The following ZNF654 variants were observed in gnomAD, a reference collection of about 807,000 sequenced individuals.
The protein encoded by ZNF654 is melanoma-associated antigen.
Under a neutral mutation model 95.3 loss-of-function variants are expected in ZNF654, and 19 were observed. The observed-to-expected ratio is 0.20, with a 90% CI of 0.14 to 0.29. The LOEUF (loss-of-function observed/expected upper bound fraction) is 0.29, where lower values mean the gene tolerates loss of function less well. ZNF654 is among the 10% of genes least tolerant of loss of function. The probability of loss-of-function intolerance (pLI) is 1.00; values close to 1 mark genes in which losing one functional copy is unlikely to be tolerated. For missense variants in ZNF654, 1,046 were observed against 1,341.0 expected, an observed-to-expected ratio of 0.78 and a Z score of 3.44; for synonymous variants, 413 against 457.9, an observed-to-expected ratio of 0.90 and a Z score of 1.25.
At chr3:88,076,393 T>C (rs1707802727) in intron 1 of ZNF654, among the ~76,000 whole-genome samples, 1 of 152,224 alleles carries the variant, frequency 6.6e-6, no homozygotes, top group African/African-American at 2.4e-5. Flanking sequence ...TTTTCATCTT[T>C]AAGTACAGTT....
At chr3:88,116,282 A>T (rs1206004203) in intron 3 of ZNF654, among the ~76,000 whole-genome samples, 2 of 152,122 alleles carry the variant, frequency 1.3e-5, no homozygotes, top group African/African-American at 2.4e-5. Flanking sequence ...GCACTTTGGG[A>T]GGCCGAGGCG....
intron 2 of ZNF654, among the ~76,000 whole-genome samples, chr3:88,089,853 G>GAATAAGTC (rs1204309586): frequency 6.6e-6 from 1 of 152,308 alleles, no homozygotes; most frequent in East Asian, 1.9e-4. Flanking sequence ...GGGAAAAGGA[G>GAATAAGTC]AATAAGTCAT....
chr3:88,144,452 AGTT>A lies in ZNF654; in HGVS notation c.*2804_*2806del, dbSNP rs1707261813. 1 of 152,380 alleles carries A rather than the reference AGTT, an allele frequency of 6.6e-6. No individual in the cohort carries two copies. Among genetic ancestry groups the A allele is most frequent in the African/African-American group, 2.4e-5 (1 of 41,424 alleles). 9.4% of individuals were successfully genotyped at this position (152,380 alleles called of 1,614,324 possible). A position where few individuals can be genotyped will look rare whatever the true frequency, so the allele number is the denominator to read the frequency against. ...AGTAAATGCTGCATATGCATTTTGGAGTTGTTAATATGTGAAAGATATTACAGA... is the reference window on the plus strand; with the variant it reads ...AGTAAATGCTGCATATGCATTTTGGAGTTAATATGTGAAAGATATTACAGA... On this transcript the variant is annotated 3_prime_UTR_variant, in exon 9 of 9. Transcript: ENST00000636215.
intron 2 of ZNF654, among the ~76,000 whole-genome samples, chr3:88,102,042 G>A (rs1438948482): frequency 6.6e-6 from 1 of 151,504 alleles, no homozygotes; most frequent in African/African-American, 2.4e-5. Context: ...ATGTATTCTG[G>A]ATATACACTC....
intron 1 of ZNF654, among the ~76,000 whole-genome samples, chr3:88,073,560 C>G (rs950947152): frequency 6.6e-6 from 1 of 152,112 alleles, no homozygotes; most frequent in African/African-American, 2.4e-5. Flanking sequence ...ATTATGTATA[C>G]TAAAGTACTT....
chr3:88,115,011 A>C (rs1189822401), intron 3 of ZNF654, among the ~76,000 whole-genome samples: 1 of 152,210 alleles, frequency 6.6e-6, no homozygotes, highest in African/African-American at 2.4e-5. Context: ...GTTCTTCTCC[A>C]TACATCTTTC....
At chr3:88,132,410 A>G (rs1241609463) in intron 6 of ZNF654, among the ~76,000 whole-genome samples, 2 of 152,158 alleles carry the variant, frequency 1.3e-5, no homozygotes, top group East Asian at 3.9e-4. Context: ...CACACATTGA[A>G]TAAAGGAAAA....
chr3:88,061,750 T>C (rs1297666873), intron 1 of ZNF654, among the ~76,000 whole-genome samples: 6 of 152,220 alleles, frequency 3.9e-5, no homozygotes, highest in Non-Finnish European at 7.4e-5. Flanking sequence ...CGAAGATTTC[T>C]TTTTAAAAAT....
chr3:88,132,700 A>G (rs1172494167), intron 6 of ZNF654, among the ~76,000 whole-genome samples: 1 of 152,198 alleles, frequency 6.6e-6, no homozygotes, highest in Non-Finnish European at 1.5e-5. Flanking sequence ...TTCAACATTT[A>G]GGGGAAGTAT....
At position 88,140,930 on chromosome 3, in the gene ZNF654, A is replaced by G. The variant is rs1707089839; in HGVS notation, c.3261A>G (p.Ser1087=). The G allele has an allele frequency of 6.2e-7, 1 of 1,613,616 alleles. No homozygotes were observed. The highest frequency in any genetic ancestry group is 2.2e-5 in the East Asian group (1 of 44,870). ...ATCAAGATAACGTGTATAAAAAATCAGTGAAAAGATTAAGATGTGGCAAAT... is the reference window on the plus strand; with the variant it reads ...ATCAAGATAACGTGTATAAAAAATCGGTGAAAAGATTAAGATGTGGCAAAT... The part of the protein sequence containing the change: ...CSDQDNVYKK[S]VKRLRCGKCL... Residue 1087 remains serine (S), a synonymous_variant, in exon 8 of 9, where the codon TCA becomes TCG. Transcript: ENST00000636215.
intron 1 of ZNF654, among the ~76,000 whole-genome samples, chr3:88,064,663 G>T (rs1252525298): frequency 5.9e-5 from 9 of 152,154 alleles, no homozygotes; most frequent in African/African-American, 2.2e-4. Flanking sequence ...TGTTAAGCCA[G>T]TTACCACCCA....
At chr3:88,098,303 C>A (rs1272389096) in intron 2 of ZNF654, among the ~76,000 whole-genome samples, 1 of 152,060 alleles carries the variant, frequency 6.6e-6, no homozygotes, top group Non-Finnish European at 1.5e-5. Context: ...TCTCTGAATA[C>A]ACCAATAACA....
chr3:88,064,075 A>G (rs1158895919), intron 1 of ZNF654, among the ~76,000 whole-genome samples: 2 of 150,982 alleles, frequency 1.3e-5, no homozygotes, highest in Non-Finnish European at 2.9e-5. Context: ...ATGGAAGAAA[A>G]CAAGAATGGA....
At chr3:88,066,794 A>C (rs1158452412) in intron 1 of ZNF654, among the ~76,000 whole-genome samples, 1 of 152,202 alleles carries the variant, frequency 6.6e-6, no homozygotes, top group African/African-American at 2.4e-5. Flanking sequence ...AAAATTACAA[A>C]CAAAAACAAA....
chr3:88,127,186 A>G lies in ZNF654; in HGVS notation c.550+917A>G, dbSNP rs137875651. Among the ~76,000 whole-genome samples, 393 of 152,246 alleles carry G rather than the reference A, an allele frequency of 2.6e-3. 1 individual carries two copies. Among genetic ancestry groups the G allele is most frequent in the African/African-American group, 8.9e-3 (369 of 41,564 alleles). On this transcript the variant is annotated intron_variant, in intron 4 of 8. Coordinates refer to ENST00000636215, the MANE Select transcript of ZNF654 (RefSeq NM_001350134.2). ...AAGGGGAAAAAAACAAGACCTCCCA[A>G]CCCTGGAACCAGTTAGACCTTGGTT... is the stretch of plus-strand genomic sequence containing the variant.
chr3:88,081,541 T>C (rs1311704547), intron 1 of ZNF654, among the ~76,000 whole-genome samples: 2 of 152,250 alleles, frequency 1.3e-5, no homozygotes, highest in Non-Finnish European at 2.9e-5. Context: ...TGCTAACATT[T>C]ATTTAATTAT....
rs1176795363 is a variant in ZNF654 at position 88,139,603 on chromosome 3, C to G, written c.1934C>G (p.Ala645Gly). The change falls in exon 8 of 9, where the codon GCT (alanine) becomes GGT (glycine). Residue 645 changes from alanine (A) to glycine (G), a missense_variant. Ala to Gly is a moderately conservative substitution (Grantham distance 60). Transcript: ENST00000636215. ...SKDLEVETLT[A>G]SSEGNKEVIP... ...GATTTGGAAGTGGAGACACTTACTG[C>G]TTCTAGTGAAGGAAACAAAGAAGTC... The G allele has an allele frequency of 6.2e-7, 1 of 1,613,564 alleles. No homozygotes were observed. The highest frequency in any genetic ancestry group is 1.3e-5 in the African/African-American group (1 of 74,892).
chr3:88,092,865 G>A (rs1300149163), intron 2 of ZNF654, among the ~76,000 whole-genome samples: 2 of 152,126 alleles, frequency 1.3e-5, no homozygotes, highest in African/African-American at 2.4e-5. Context: ...GTATTGATCT[G>A]CCTTCTATCA....
intron 1 of ZNF654, among the ~76,000 whole-genome samples, chr3:88,068,046 G>C (rs986883791): frequency 6.6e-6 from 1 of 152,094 alleles, no homozygotes; most frequent in African/African-American, 2.4e-5. Context: ...CAAGTGGAGG[G>C]GTGTTGCTTT....
Sources: gnomAD v4.1 joint callset for allele counts (sites outside exome capture counted in the v4.1 genomes callset) on GRCh38, gnomAD v4.1.1 for gene constraint, MANE v1.5 for transcripts, NCBI Gene and HGNC (gene_info 2026-07-23, HGNC 2026-07-21) for gene names.